Variants in TRPM1 observed in about 807,000 individuals in gnomAD.
TRPM1 encodes the protein TRPM1-203 APA Isoform, Intron 10.
TRPM1 carries 113 observed loss-of-function variants against 149.4 expected under a neutral mutation model. That is an observed-to-expected ratio of 0.76 (90% confidence interval 0.65 to 0.88). The LOEUF is 0.88. Ranked by LOEUF, TRPM1 falls within the 40% of genes least tolerant of loss-of-function variation. The pLI is 0.00. For missense variants in TRPM1, 1,976 were observed against 2,038.7 expected (o/e 0.97, Z 0.59); for synonymous variants, 741 against 759.5 (o/e 0.98, Z 0.40).
intron 2 of TRPM1, among the ~76,000 whole-genome samples, chr15:31,079,157 G>C (rs2034789867): frequency 6.6e-6 from 1 of 152,196 alleles, no homozygotes; most frequent in Admixed American, 6.5e-5. Flanking sequence ...TGTGGTCCCT[G>C]TCTATACATA....
At chr15:31,110,753 G>A (rs1236127739) in intron 1 of TRPM1, among the ~76,000 whole-genome samples, 5 of 152,156 alleles carry the variant, frequency 3.3e-5, no homozygotes, top group Non-Finnish European at 7.4e-5. Context: ...ACCGGCCATG[G>A]AGTTATCAGT....
chr15:31,091,265 C>G (rs1360305452), intron 1 of TRPM1, among the ~76,000 whole-genome samples: 1 of 152,244 alleles, frequency 6.6e-6, no homozygotes, highest in African/African-American at 2.4e-5. Flanking sequence ...CACTCCAGAA[C>G]TCACAGCCCT....
intron 8 of TRPM1, 178 bp from the exon 9 acceptor site, chr15:31,062,880 T>A: frequency 1.0e-6 from 1 of 983,550 alleles, no homozygotes; most frequent in Non-Finnish European, 1.5e-6. Flanking sequence ...TCCAGCTTTG[T>A]TGCAAACTTT....
chr15:31,120,777 G>T (rs184698778), intron 1 of TRPM1, among the ~76,000 whole-genome samples: 18 of 150,236 alleles, frequency 1.2e-4, no homozygotes, highest in African/African-American at 4.4e-4. Flanking sequence ...AATAGTTGGA[G>T]AGTAAACAAT....
intron 27 of TRPM1, among the ~76,000 whole-genome samples, chr15:31,007,804 A>G (rs2032051265): frequency 6.6e-6 from 1 of 152,232 alleles, no homozygotes; most frequent in Non-Finnish European, 1.5e-5. Context: ...GAGTCTTCCA[A>G]TACATGAATA....
chr15:31,064,180 T>C (rs553801495), intron 7 of TRPM1, among the ~76,000 whole-genome samples: 10 of 152,378 alleles, frequency 6.6e-5, no homozygotes, highest in African/African-American at 2.4e-4. Flanking sequence ...TGTGTTTGGC[T>C]AGCAAATAAT....
At chr15:31,066,349 C>T in intron 6 of TRPM1, 102 bp from the exon 7 acceptor site, 1 of 1,270,274 alleles carries the variant, frequency 7.9e-7, no homozygotes, top group Non-Finnish European at 1.1e-6. Context: ...TGCACTAAAA[C>T]TTATTCTCAC....
chr15:31,088,465 A>C (rs1054073814), intron 1 of TRPM1, among the ~76,000 whole-genome samples: 5 of 152,028 alleles, frequency 3.3e-5, no homozygotes, highest in South Asian at 2.1e-4. Context: ...ATGTGGCTTC[A>C]CTCCTGAAGT....
chr15:31,027,158 T>G, intron 25 of TRPM1, 41 bp from the exon 26 acceptor site: 1 of 1,583,832 alleles, frequency 6.3e-7, no homozygotes. Flanking sequence ...TATATTACTT[T>G]TTATAGTGAT....
rs571675033 is a variant in TRPM1, at chr15:31,001,203, G to C, written c.*619C>G. 6.6e-6 allele frequency: 1 copy of C among 152,132 alleles called. No homozygotes were observed. Among genetic ancestry groups the C allele is most frequent in the African/African-American group, 2.4e-5 (1 of 41,490 alleles). The allele number at this position is 152,132 out of a possible 1,614,324, so 9.4% of individuals were successfully genotyped here. On this transcript the variant is annotated 3_prime_UTR_variant, in exon 28 of 28. Coordinates refer to ENST00000256552, the MANE Select transcript of TRPM1 (RefSeq NM_001252024.2). ...ATAAAACATTAAAACAGAAAACAAA[G>C]ACCCCATAAAAACATATTTGTGGCT...
intron 22 of TRPM1, 57 bp from the exon 23 acceptor site, chr15:31,031,214 T>C: frequency 6.3e-7 from 1 of 1,593,328 alleles, no homozygotes; most frequent in South Asian, 1.1e-5. Flanking sequence ...AAGTTCACCC[T>C]GGCTCATTAT....
intron 1 of TRPM1, among the ~76,000 whole-genome samples, chr15:31,111,403 C>A (rs79346978): frequency 0.024 from 3,626 of 152,300 alleles, 155 homozygotes; most frequent in African/African-American, 0.083. Flanking sequence ...GAAGTCTTCA[C>A]TCTGGAGTGA....
intron 1 of TRPM1, among the ~76,000 whole-genome samples, chr15:31,090,100 C>G (rs149919916): frequency 6.6e-6 from 1 of 152,154 alleles, no homozygotes; most frequent in Non-Finnish European, 1.5e-5. Flanking sequence ...CAACCCTAGC[C>G]CCTAGCAGTA....
At chr15:31,035,381 A>G (rs897005088) in intron 21 of TRPM1, among the ~76,000 whole-genome samples, 165 bp downstream of exon 21, 3 of 152,194 alleles carry the variant, frequency 2.0e-5, no homozygotes, top group African/African-American at 7.2e-5. Flanking sequence ...CCTGACCTCA[A>G]GTGATCCATC....
intron 27 of TRPM1, among the ~76,000 whole-genome samples, chr15:31,024,201 G>A (rs2032642666): frequency 6.6e-6 from 1 of 152,080 alleles, no homozygotes; most frequent in South Asian, 2.1e-4. Flanking sequence ...AATGGGAAAT[G>A]GTGATGCAGA....
In TRPM1 at chr15:31,063,030, TG is replaced by T. The variant is rs1838044211; in HGVS notation, c.965+87del. The T allele has an allele frequency of 9.1e-6, 14 of 1,536,954 alleles. No individual in the cohort carries two copies. In the African/African-American group the frequency reaches 1.8e-4, roughly 20 times the overall value. ...CTTCCTGATTTAAACACGTTTGGAA[TG>T]TCTAAGCAGACCACTTTAGATTTTC... On this transcript the variant is annotated intron_variant, in intron 8 of 27. Transcript: ENST00000256552.
intron 26 of TRPM1, 127 bp from the exon 27 acceptor site, chr15:31,026,398 C>T (rs977735618): frequency 1.7e-6 from 2 of 1,150,390 alleles, no homozygotes; most frequent in Non-Finnish European, 2.5e-6. Flanking sequence ...CAGTTCGCCA[C>T]TACTCCAATT....
chr15:31,155,621 C>A (rs1478712357), intron 1 of TRPM1, among the ~76,000 whole-genome samples: 2 of 152,052 alleles, frequency 1.3e-5, no homozygotes, highest in South Asian at 2.1e-4. Flanking sequence ...ACCCACAATT[C>A]TGTTTTACAG....
chr15:31,032,635 T>C (rs2033141484), intron 22 of TRPM1, 54 bp downstream of exon 22: 2 of 1,611,504 alleles, frequency 1.2e-6, no homozygotes, highest in African/African-American at 1.3e-5. Flanking sequence ...CCTGTTCTTA[T>C]GTCCTAACTA....
Sources: allele counts gnomAD v4.1 joint callset (sites outside exome capture counted in the v4.1 genomes callset), GRCh38; gene constraint gnomAD v4.1.1; transcripts MANE v1.5; gene names NCBI Gene and HGNC (gene_info 2026-07-23, HGNC 2026-07-21).